The following TRDN variants were observed in gnomAD, a reference collection of about 807,000 sequenced individuals.
TRDN encodes triadin.
TRDN carries 161 observed loss-of-function variants against 149.7 expected under a neutral mutation model. The observed-to-expected ratio is 1.08, with a 90% CI of 0.95 to 1.23. The LOEUF is 1.23. Ranked by LOEUF, TRDN falls within the 50% of genes most tolerant of loss-of-function variation. The pLI, the probability that TRDN is intolerant of heterozygous loss-of-function variation, is 0.00. For missense variants in TRDN, 896 were observed against 823.5 expected (o/e 1.09, Z -1.08); for synonymous variants, 294 against 250.5 (o/e 1.17, Z -1.64).
At chr6:123,328,596 T>C (rs1340719974) in intron 23 of TRDN, among the ~76,000 whole-genome samples, 1 of 152,130 alleles carries the variant, frequency 6.6e-6, no homozygotes, top group African/African-American at 2.4e-5. Flanking sequence ...ACTTGCCTCA[T>C]AGTGTTAGTA....
chr6:123,493,059 T>C (rs1387914799), intron 9 of TRDN, among the ~76,000 whole-genome samples: 2 of 152,146 alleles, frequency 1.3e-5, no homozygotes, highest in East Asian at 3.9e-4. Flanking sequence ...GTTCATTAAA[T>C]GGAGAAAGTA....
intron 9 of TRDN, among the ~76,000 whole-genome samples, chr6:123,479,551 T>G (rs534196128): frequency 1.3e-5 from 2 of 152,142 alleles, no homozygotes; most frequent in South Asian, 4.2e-4. Context: ...GCCAGCAGAG[T>G]TCACTGAGAA....
At position 123,603,796 on chromosome 6, in the gene TRDN, G is replaced by C. The variant is rs186178860; in HGVS notation, c.23-32664C>G. Among the ~76,000 whole-genome samples the C allele has an allele frequency of 3.7e-3, 564 of 152,176 alleles. 6 individuals carry two copies. Among genetic ancestry groups the C allele is most frequent in the Non-Finnish European group, 3.4e-3 (229 of 67,994 alleles). On this transcript the variant is annotated intron_variant, in intron 1 of 40. Coordinates refer to ENST00000334268, the MANE Select transcript of TRDN (RefSeq NM_006073.4). ...CTTTGCAATCACTTCGTAAAAGTTA[G>C]ATCTTTCCAGAAATTTTTACCTCAC...
chr6:123,308,118 T>A lies in TRDN; in HGVS notation c.1510+8339A>T, dbSNP rs185411422. On this transcript the variant is annotated intron_variant, in intron 24 of 40. Coordinates refer to ENST00000334268, the MANE Select transcript of TRDN (RefSeq NM_006073.4). ...ATAACTGAGAACTTGCAGTATTTGC[T>A]TTTCTGTTCCTGCACTGATTCACTT... Among the ~76,000 whole-genome samples the A allele has an allele frequency of 5.3e-5, 8 of 152,194 alleles. No homozygotes were observed. In the East Asian group the frequency reaches 1.4e-3, roughly 26 times the overall value.
chr6:123,517,663 C>G (rs1779476882), intron 5 of TRDN, among the ~76,000 whole-genome samples: 1 of 152,238 alleles, frequency 6.6e-6, no homozygotes, highest in Non-Finnish European at 1.5e-5. Context: ...TCCACAAGCA[C>G]ACCACATGCC....
At chr6:123,485,230 G>A (rs183024973) in intron 9 of TRDN, among the ~76,000 whole-genome samples, 2 of 152,244 alleles carry the variant, frequency 1.3e-5, no homozygotes, top group East Asian at 3.9e-4. Flanking sequence ...ACTCATGCAT[G>A]CAGCAAACCT....
At chr6:123,559,807 G>A (rs546570209) in intron 2 of TRDN, among the ~76,000 whole-genome samples, 45 of 152,248 alleles carry the variant, frequency 3.0e-4, no homozygotes, top group Non-Finnish European at 3.7e-4. Flanking sequence ...CCACCCTGTG[G>A]TTCCAAACCC....
chr6:123,538,982 T>G (rs1780688248), intron 4 of TRDN, among the ~76,000 whole-genome samples: 4 of 152,160 alleles, frequency 2.6e-5, no homozygotes, highest in Admixed American at 2.6e-4. Flanking sequence ...ATTTGGAGAT[T>G]TGAGTAAGAT....
At chr6:123,584,565 A>G (rs1191766172) in intron 1 of TRDN, among the ~76,000 whole-genome samples, 3 of 151,908 alleles carry the variant, frequency 2.0e-5, no homozygotes, top group African/African-American at 4.8e-5. Flanking sequence ...TCAGCAGGGA[A>G]CGCACGTGTG....
intron 7 of TRDN, among the ~76,000 whole-genome samples, chr6:123,511,705 C>A (rs1318499759): frequency 6.6e-6 from 1 of 152,074 alleles, no homozygotes; most frequent in Non-Finnish European, 1.5e-5. Flanking sequence ...CTACTGAATT[C>A]TCTGCTTAGG....
chr6:123,286,487 T>C (rs1169561109), intron 24 of TRDN, among the ~76,000 whole-genome samples: 6 of 151,834 alleles, frequency 4.0e-5, no homozygotes, highest in Admixed American at 6.6e-5. Flanking sequence ...GAGGATGCAA[T>C]GGCATAAGAA....
chr6:123,494,680 A>G (rs925714197), intron 9 of TRDN, among the ~76,000 whole-genome samples: 14 of 152,202 alleles, frequency 9.2e-5, no homozygotes, highest in Admixed American at 9.2e-4. Context: ...TAGAGTATGA[A>G]TTTCTTGAAC....
rs376361522 is a variant in TRDN at position 123,567,510 on chromosome 6, GTGCTGGCATCTACTCAGC to G, written c.232+3395_232+3412del. 1.0e-3 allele frequency among the ~76,000 whole-genome samples: 154 copies of G among 152,198 alleles called. 1 individual carries two copies. Among genetic ancestry groups the G allele is most frequent in the African/African-American group, 3.6e-3 (148 of 41,512 alleles). Reference sequence around the variant, plus strand: ...CTTCTGCAGTCTGTACAGAAGCATGGTGCTGGCATCTACTCAGCTTCTGGTAAGGCTTCAGGGTGTTTA... The same window carrying G: ...CTTCTGCAGTCTGTACAGAAGCATGGTTCTGGTAAGGCTTCAGGGTGTTTA... On this transcript the variant is annotated intron_variant, in intron 2 of 40. Transcript: ENST00000334268.
At chr6:123,340,587 C>T (rs1306381615) in intron 21 of TRDN, among the ~76,000 whole-genome samples, 7 of 152,012 alleles carry the variant, frequency 4.6e-5, no homozygotes, top group Non-Finnish European at 8.8e-5. Flanking sequence ...CTTTCTTACC[C>T]AGCTTGCTCT....
intron 1 of TRDN, among the ~76,000 whole-genome samples, chr6:123,629,754 T>C (rs2114736999): frequency 6.6e-6 from 1 of 152,218 alleles, no homozygotes; most frequent in South Asian, 2.1e-4. Context: ...TGTGTGTCTT[T>C]GACAGCTTCA....
At chr6:123,288,114 C>T (rs1777866127) in intron 24 of TRDN, among the ~76,000 whole-genome samples, 2 of 151,906 alleles carry the variant, frequency 1.3e-5, no homozygotes, top group African/African-American at 4.8e-5. Flanking sequence ...AAGGAAAAAT[C>T]AAGTGTTCCA....
chr6:123,397,466 C>A (rs1454986685), intron 12 of TRDN, among the ~76,000 whole-genome samples: 1 of 152,124 alleles, frequency 6.6e-6, no homozygotes, highest in Non-Finnish European at 1.5e-5. Context: ...ACTTATTCAA[C>A]TTTATAACTC....
chr6:123,464,887 GAA>G lies in TRDN; in HGVS notation c.931+17_931+18del. On this transcript the variant is annotated intron_variant, in intron 10 of 40. Coordinates refer to ENST00000334268, the MANE Select transcript of TRDN (RefSeq NM_006073.4). ...TTTTATCTACAATAGAGATCTTTAAGAAAAAAAAAAGTACTTGCCTTCAAGGG... is the reference window on the plus strand; with the variant it reads ...TTTTATCTACAATAGAGATCTTTAAGAAAAAAAAGTACTTGCCTTCAAGGG... 1 of 1,454,316 alleles carries G rather than the reference GAA, an allele frequency of 6.9e-7. No individual in the cohort carries two copies. Among genetic ancestry groups the G allele is most frequent in the Non-Finnish European group, 9.3e-7 (1 of 1,078,156 alleles). The allele number at this position is 1,454,316 out of a possible 1,614,324, so 90.1% of individuals were successfully genotyped here.
Position 123,255,068 on chromosome 6 carries a change from A to C in TRDN, c.1951+13T>G, listed in dbSNP as rs2114576557. 1 of 1,336,964 alleles carries C rather than the reference A, an allele frequency of 7.5e-7. No individual in the cohort carries two copies. 82.8% of individuals were successfully genotyped at this position (1,336,964 alleles called of 1,614,324 possible). On this transcript the variant is annotated intron_variant, in intron 37 of 40. Transcript: ENST00000334268. ...TTTCATACAAACATAGTAGTTACGTAATTCAAGATTACCTTTTGTCACATT... is the reference window on the plus strand; with the variant it reads ...TTTCATACAAACATAGTAGTTACGTCATTCAAGATTACCTTTTGTCACATT...
Sources: gnomAD v4.1 joint callset for allele counts (sites outside exome capture counted in the v4.1 genomes callset) on GRCh38, gnomAD v4.1.1 for gene constraint, MANE v1.5 for transcripts, NCBI Gene and HGNC (gene_info 2026-07-23, HGNC 2026-07-21) for gene names.